ASAP1: variants seen among roughly 807,000 people sequenced by gnomAD.
ASAP1 encodes ArfGAP with SH3 domain, ankyrin repeat and PH domain 1, also known as arf-GAP with SH3 domain, ANK repeat and PH domain-containing protein 1.
Under a neutral mutation model 145.2 loss-of-function variants are expected in ASAP1, and 43 were observed. The observed-to-expected ratio is 0.30, with a 90% CI of 0.23 to 0.38. ASAP1 has a LOEUF of 0.38. Among genes scored for constraint, ASAP1 ranks in the 10% least tolerant of loss-of-function variants. The probability of loss-of-function intolerance (pLI) is 1.00; values close to 1 mark genes in which losing one functional copy is unlikely to be tolerated. For synonymous variants in ASAP1, 546 were observed against 515.5 expected (o/e 1.06, Z -0.80); for missense variants, 1,018 against 1,355.3 (o/e 0.75, Z 3.91).
rs188365326 is a variant in ASAP1 at position 130,117,282 on chromosome 8, C to T, written c.1881-287G>A. ...TGATGGGGTAAATACTAATAATAACCGCTTTTACAGATAAAAAACCCTGAA... is the reference window on the plus strand; with the variant it reads ...TGATGGGGTAAATACTAATAATAACTGCTTTTACAGATAAAAAACCCTGAA... On this transcript the variant is annotated intron_variant, in intron 20 of 29. Coordinates refer to ENST00000518721, the MANE Select transcript of ASAP1 (RefSeq NM_018482.4). Among the ~76,000 whole-genome samples the T allele has an allele frequency of 1.2e-4, 18 of 152,180 alleles. No homozygotes were observed. The East Asian group carries it at 2.7e-3, about 23-fold the overall frequency.
chr8:130,117,700 A>C (rs2097558647), intron 20 of ASAP1, among the ~76,000 whole-genome samples: 1 of 152,210 alleles, frequency 6.6e-6, no homozygotes, highest in South Asian at 2.1e-4. Context: ...TCTTATATTA[A>C]ATTTAGGAAC....
At chr8:130,177,292 G>GA (rs1379590867) in intron 9 of ASAP1, among the ~76,000 whole-genome samples, 1 of 152,216 alleles carries the variant, frequency 6.6e-6, no homozygotes, top group Non-Finnish European at 1.5e-5. Context: ...CTTCTATTTT[G>GA]AAAAACTCTT....
At chr8:130,317,432 C>A (rs547825765) in intron 3 of ASAP1, among the ~76,000 whole-genome samples, 1 of 152,190 alleles carries the variant, frequency 6.6e-6, no homozygotes, top group South Asian at 2.1e-4. Flanking sequence ...ACAGGGTCTA[C>A]GACTCACTTA....
intron 6 of ASAP1, 21 bp downstream of exon 6, chr8:130,188,088 A>C: frequency 1.3e-6 from 2 of 1,576,852 alleles, no homozygotes; most frequent in Non-Finnish European, 1.7e-6. Flanking sequence ...TAAAGTGAAA[A>C]TCAAATTTCT....
intron 5 of ASAP1, among the ~76,000 whole-genome samples, chr8:130,212,768 G>T (rs1191197821): frequency 6.6e-6 from 1 of 152,166 alleles, no homozygotes; most frequent in Admixed American, 6.5e-5. Context: ...TGGCCTGAAT[G>T]GCCACTGAGC....
chr8:130,321,579 A>AT (rs375692700), intron 3 of ASAP1, among the ~76,000 whole-genome samples: 74 of 151,868 alleles, frequency 4.9e-4, no homozygotes, highest in Non-Finnish European at 1.0e-3. Flanking sequence ...TAAAGCACTC[A>AT]CTACTCTAAC....
chr8:130,373,704 C>T (rs1033508451), intron 2 of ASAP1, among the ~76,000 whole-genome samples: 2 of 151,794 alleles, frequency 1.3e-5, no homozygotes, highest in African/African-American at 2.4e-5. Context: ...CAAAAACAGC[C>T]AGGCATGGTG....
At chr8:130,201,803 A>C (rs966651556) in intron 5 of ASAP1, among the ~76,000 whole-genome samples, 3 of 152,188 alleles carry the variant, frequency 2.0e-5, no homozygotes, top group African/African-American at 7.2e-5. Flanking sequence ...TGGCATCTAC[A>C]ATTTGTTCTT....
chr8:130,388,766 T>C (rs1828139546), intron 2 of ASAP1, among the ~76,000 whole-genome samples: 1 of 152,160 alleles, frequency 6.6e-6, no homozygotes, highest in Non-Finnish European at 1.5e-5. Flanking sequence ...TACAGATTAA[T>C]TCCAAAGCTT....
At chr8:130,368,720 C>T (rs983723552) in intron 2 of ASAP1, among the ~76,000 whole-genome samples, 1 of 152,114 alleles carries the variant, frequency 6.6e-6, no homozygotes, top group African/African-American at 2.4e-5. Context: ...CCATCTTTGC[C>T]ACACATCAGA....
At chr8:130,140,362 T>C (rs1212101593) in intron 13 of ASAP1, among the ~76,000 whole-genome samples, 1 of 150,958 alleles carries the variant, frequency 6.6e-6, no homozygotes. Flanking sequence ...CTTTCTTTCT[T>C]TTTTTTTTAA....
At chr8:130,309,649 A>G (rs1046896520) in intron 3 of ASAP1, among the ~76,000 whole-genome samples, 1 of 152,200 alleles carries the variant, frequency 6.6e-6, no homozygotes, top group Non-Finnish European at 1.5e-5. Flanking sequence ...TGCAGAGGGT[A>G]GCACAAAGAA....
intron 24 of ASAP1, among the ~76,000 whole-genome samples, chr8:130,096,913 G>T (rs2097519085): frequency 6.6e-6 from 1 of 151,810 alleles, no homozygotes; most frequent in Non-Finnish European, 1.5e-5. Flanking sequence ...GTCACTTGAG[G>T]CCAGGAGCTT....
At chr8:130,072,824 T>TGTGCGCGCGCGCGCGCGCGCGCGCGC in intron 27 of ASAP1, among the ~76,000 whole-genome samples, 1 of 32,282 alleles carries the variant, frequency 3.1e-5, no homozygotes, top group Non-Finnish European at 5.7e-5. Context: ...TGTGTGTGTG[T>TGTGCGCGCGCGCGCGCGCGCGCGCGC]GCGCGCGGGG....
chr8:130,361,810 T>C, intron 2 of ASAP1: 1 of 1,425,678 alleles, frequency 7.0e-7, no homozygotes, highest in Non-Finnish European at 9.6e-7. Flanking sequence ...AAAACGTAAA[T>C]GCTGGATTTC....
chr8:130,364,961 A>G (rs1459468560), intron 2 of ASAP1, among the ~76,000 whole-genome samples: 1 of 152,148 alleles, frequency 6.6e-6, no homozygotes, highest in African/African-American at 2.4e-5. Context: ...AAAATAAAAC[A>G]CAAAAAACAA....
chr8:130,117,303 C>T (rs2097557817), intron 20 of ASAP1, among the ~76,000 whole-genome samples: 1 of 152,110 alleles, frequency 6.6e-6, no homozygotes, highest in African/African-American at 2.4e-5. Context: ...ATAAAAAACC[C>T]TGAAGCGCAG....
chr8:130,232,933 A>C (rs974775658), intron 4 of ASAP1, among the ~76,000 whole-genome samples: 2 of 152,244 alleles, frequency 1.3e-5, no homozygotes. Context: ...TGAGGCCAAA[A>C]GCCCTTGGAG....
chr8:130,259,829 T>C (rs796864815), intron 3 of ASAP1, among the ~76,000 whole-genome samples: 2 of 152,314 alleles, frequency 1.3e-5, no homozygotes, highest in African/African-American at 4.8e-5. Flanking sequence ...GGCCAAGAGT[T>C]CTAAGACAAG....
Sources: gnomAD v4.1 joint callset for allele counts (sites outside exome capture counted in the v4.1 genomes callset) on GRCh38, gnomAD v4.1.1 for gene constraint, MANE v1.5 for transcripts, NCBI Gene and HGNC (gene_info 2026-07-23, HGNC 2026-07-21) for gene names.